BTC: variants seen among roughly 807,000 people sequenced by gnomAD.
The protein encoded by BTC is betacellulin.
A neutral mutation model predicts 18.1 loss-of-function variants in BTC; 13 were observed. The observed-to-expected ratio is 0.72, with a 90% CI of 0.47 to 1.14. The LOEUF (loss-of-function observed/expected upper bound fraction) is 1.14, where lower values mean the gene tolerates loss of function less well. BTC is among the 50% of genes most tolerant of loss of function. The pLI is 0.00. For synonymous variants in BTC, 83 were observed against 79.4 expected (o/e 1.05, Z -0.24); for missense variants, 247 against 224.2 (o/e 1.10, Z -0.65).
chr4:74,773,819 C>A (rs1342117498), intron 1 of BTC, among the ~76,000 whole-genome samples: 1 of 152,044 alleles, frequency 6.6e-6, no homozygotes, highest in Non-Finnish European at 1.5e-5. Context: ...ACTGTGTTGA[C>A]CAGGCTGGTC....
At chr4:74,782,715 C>A (rs1283625054) in intron 1 of BTC, among the ~76,000 whole-genome samples, 2 of 152,172 alleles carry the variant, frequency 1.3e-5, no homozygotes, top group Non-Finnish European at 2.9e-5. Context: ...ACACCCCCAC[C>A]AACAGTGTAA....
At chr4:74,748,484 C>G (rs1442594457) in intron 4 of BTC, among the ~76,000 whole-genome samples, 1 of 151,508 alleles carries the variant, frequency 6.6e-6, no homozygotes, top group Non-Finnish European at 1.5e-5. Context: ...TGCAGTGAGC[C>G]GAGATTGCGC....
At chr4:74,787,776 C>T (rs988591316) in intron 1 of BTC, among the ~76,000 whole-genome samples, 1 of 152,158 alleles carries the variant, frequency 6.6e-6, no homozygotes, top group African/African-American at 2.4e-5. Flanking sequence ...AGTGTTAGTT[C>T]CCACATACGT....
At chr4:74,771,293 T>C (rs1725032248) in intron 1 of BTC, among the ~76,000 whole-genome samples, 1 of 152,188 alleles carries the variant, frequency 6.6e-6, no homozygotes, top group South Asian at 2.1e-4. Context: ...TGCTGGTAGG[T>C]AATCAATGTG....
chr4:74,792,032 T>C (rs748517109), intron 1 of BTC, among the ~76,000 whole-genome samples: 26 of 151,970 alleles, frequency 1.7e-4, no homozygotes, highest in Non-Finnish European at 3.2e-4. Flanking sequence ...ATGCATCTTA[T>C]TGCTCACATT....
intron 1 of BTC, among the ~76,000 whole-genome samples, chr4:74,791,018 C>A (rs1213794559): frequency 6.6e-6 from 1 of 152,166 alleles, no homozygotes; most frequent in Non-Finnish European, 1.5e-5. Context: ...AACGCAACGT[C>A]TCTGCACTGG....
At chr4:74,774,431 T>A (rs1725124299) in intron 1 of BTC, among the ~76,000 whole-genome samples, 1 of 152,000 alleles carries the variant, frequency 6.6e-6, no homozygotes, top group Non-Finnish European at 1.5e-5. Flanking sequence ...TCAAAACGAG[T>A]CAAAAGTGGT....
chr4:74,757,560 T>TC (rs1392818806), intron 2 of BTC, among the ~76,000 whole-genome samples: 1 of 152,206 alleles, frequency 6.6e-6, no homozygotes, highest in Non-Finnish European at 1.5e-5. Flanking sequence ...CAACTTCCAT[T>TC]CGTTGAGTGT....
At chr4:74,747,740 G>A (rs1724329373) in intron 5 of BTC, among the ~76,000 whole-genome samples, 1 of 152,050 alleles carries the variant, frequency 6.6e-6, no homozygotes, top group Non-Finnish European at 1.5e-5. Context: ...CTTTCAATGT[G>A]AAGTGTCTAT....
chr4:74,747,899 G>T (rs1165392818), intron 5 of BTC, 141 bp downstream of exon 5: 14 of 484,352 alleles, frequency 2.9e-5, no homozygotes, highest in African/African-American at 8.1e-5. Flanking sequence ...CAGATTCTAT[G>T]AAAAAAACCA....
intron 1 of BTC, among the ~76,000 whole-genome samples, chr4:74,783,844 C>T (rs994128925): frequency 1.3e-5 from 2 of 151,888 alleles, no homozygotes; most frequent in Admixed American, 6.6e-5. Flanking sequence ...CCCTTGTTAG[C>T]TATATTTCTA....
In BTC at chr4:74,750,631, A is replaced by T. The variant is rs11938093; in HGVS notation, c.370T>A (p.Leu124Met). 402,700 of 1,613,250 alleles carry T rather than the reference A, an allele frequency of 0.25. 52,694 individuals carry two copies. Among genetic ancestry groups the T allele is most frequent in the Middle Eastern group, 0.3 (1,824 of 6,058 alleles). ...GDRGQILVIC[L>M]IAVMVVFIIL... is the part of the protein sequence containing the mutation. ...ATAAAAACTACCATAACTGCTATCA[A>T]ACAAATCACCAGAATCTGTCCTCTG... Residue 124 changes from leucine to methionine, a missense_variant, in exon 4 of 6, where the codon TTG becomes ATG. Coordinates refer to ENST00000395743, the MANE Select transcript of BTC (RefSeq NM_001729.4).
intron 1 of BTC, among the ~76,000 whole-genome samples, chr4:74,782,311 T>G (rs750991378): frequency 1.3e-5 from 2 of 152,220 alleles, no homozygotes; most frequent in South Asian, 4.1e-4. Flanking sequence ...TGTGTCCATG[T>G]GTTCACATCA....
intron 1 of BTC, among the ~76,000 whole-genome samples, chr4:74,791,053 G>A (rs1244206996): frequency 6.6e-6 from 1 of 152,140 alleles, no homozygotes; most frequent in Admixed American, 6.5e-5. Flanking sequence ...CCCTAGACAG[G>A]ACATTCTGCA....
chr4:74,759,702 T>C (rs1724701068), intron 2 of BTC, among the ~76,000 whole-genome samples: 1 of 149,954 alleles, frequency 6.7e-6, no homozygotes, highest in African/African-American at 2.4e-5. Flanking sequence ...CGTCAGTGGA[T>C]GTAAAAACCT....
intron 2 of BTC, among the ~76,000 whole-genome samples, chr4:74,768,783 T>A (rs747270132): frequency 1.3e-5 from 2 of 152,172 alleles, no homozygotes; most frequent in Non-Finnish European, 2.9e-5. Context: ...ACATTTAGGA[T>A]GATGATGAGG....
At chr4:74,749,241 A>T (rs1724381486) in intron 4 of BTC, among the ~76,000 whole-genome samples, 1 of 152,074 alleles carries the variant, frequency 6.6e-6, no homozygotes, top group Non-Finnish European at 1.5e-5. Flanking sequence ...AGCCTGGTGT[A>T]CATGGTGAAA....
intron 4 of BTC, 87 bp downstream of exon 4, chr4:74,750,486 G>T (rs1214695526): frequency 2.2e-6 from 3 of 1,361,498 alleles, no homozygotes; most frequent in Admixed American, 5.1e-5. Flanking sequence ...AAAAGCAAAA[G>T]AGAATGTAAA....
intron 2 of BTC, 99 bp from the exon 3 acceptor site, chr4:74,756,075 A>G (rs911117645): frequency 2.7e-6 from 3 of 1,109,970 alleles, no homozygotes; most frequent in Non-Finnish European, 2.7e-6. Flanking sequence ...TCTGTAGAAT[A>G]TGTTTGAATC....
Sources: gnomAD v4.1 joint callset for allele counts (sites outside exome capture counted in the v4.1 genomes callset) on GRCh38, gnomAD v4.1.1 for gene constraint, MANE v1.5 for transcripts, NCBI Gene and HGNC (gene_info 2026-07-23, HGNC 2026-07-21) for gene names.